SYT1: variants seen among roughly 807,000 people sequenced by gnomAD.
The protein encoded by SYT1 is synaptotagmin 1, also known as synaptotagmin-1.
In SYT1, 8 loss-of-function variants were observed where a neutral mutation model predicts 44.8. The observed-to-expected ratio is 0.18, with a 90% CI of 0.10 to 0.32. The LOEUF is 0.32. SYT1 is among the 10% of genes least tolerant of loss of function. The pLI is 1.00. For missense variants in SYT1, 286 were observed against 509.3 expected (o/e 0.56, Z 4.22); for synonymous variants, 154 against 188.8 (o/e 0.82, Z 1.51).
chr12:79,410,316 A>G (rs1336216416), intron 9 of SYT1, among the ~76,000 whole-genome samples: 1 of 152,096 alleles, frequency 6.6e-6, no homozygotes, highest in East Asian at 1.9e-4. Context: ...ATTGTGTTGG[A>G]GTTCAATACA....
At chr12:79,444,423 T>C (rs1412473210) in intron 10 of SYT1, among the ~76,000 whole-genome samples, 2 of 152,130 alleles carry the variant, frequency 1.3e-5, no homozygotes, top group Admixed American at 6.6e-5. Context: ...TGGCACTGTG[T>C]TGAGCAGAAA....
At chr12:79,087,628 G>A (rs1255298178) in intron 3 of SYT1, among the ~76,000 whole-genome samples, 4 of 152,016 alleles carry the variant, frequency 2.6e-5, no homozygotes, top group African/African-American at 7.2e-5. Context: ...CCAGTGGTGA[G>A]TAACATACAC....
At chr12:78,896,760 A>C (rs1296468131) in intron 1 of SYT1, among the ~76,000 whole-genome samples, 1 of 151,840 alleles carries the variant, frequency 6.6e-6, no homozygotes, top group East Asian at 1.9e-4. Flanking sequence ...CATTTTAAAA[A>C]TTATGTGAAA....
intron 3 of SYT1, among the ~76,000 whole-genome samples, chr12:79,187,679 G>A (rs1872882376): frequency 6.6e-6 from 1 of 152,068 alleles, no homozygotes; most frequent in Admixed American, 6.6e-5. Flanking sequence ...CCTAGAAATA[G>A]CTTTATCACT....
intron 2 of SYT1, among the ~76,000 whole-genome samples, chr12:79,043,106 A>G (rs1873721373): frequency 6.6e-6 from 1 of 150,706 alleles, no homozygotes; most frequent in African/African-American, 2.5e-5. Flanking sequence ...TATTCTGTTG[A>G]TTTGGGGTGG....
intron 8 of SYT1, among the ~76,000 whole-genome samples, chr12:79,311,542 C>G (rs1211015411): frequency 6.8e-6 from 1 of 147,172 alleles, no homozygotes. Flanking sequence ...GACTATAAAT[C>G]ATGCTGCTAT....
intron 3 of SYT1, among the ~76,000 whole-genome samples, chr12:79,108,424 A>G (rs1261545670): frequency 6.6e-6 from 1 of 152,032 alleles, no homozygotes; most frequent in Non-Finnish European, 1.5e-5. Context: ...ATTGGCACTG[A>G]AAATAAGAAA....
At chr12:79,013,885 T>C (rs1176946615) in intron 2 of SYT1, among the ~76,000 whole-genome samples, 2 of 152,110 alleles carry the variant, frequency 1.3e-5, no homozygotes, top group South Asian at 4.2e-4. Context: ...CCCAGCACTT[T>C]AGGAGGCCAA....
chr12:79,348,545 C>CA (rs879486941), intron 8 of SYT1, among the ~76,000 whole-genome samples: 4 of 152,082 alleles, frequency 2.6e-5, no homozygotes, highest in Admixed American at 2.6e-4. Context: ...AGGACAGAGG[C>CA]AAAATGTAAA....
chr12:79,053,477 T>C (rs1177904119), intron 3 of SYT1, among the ~76,000 whole-genome samples: 1 of 151,736 alleles, frequency 6.6e-6, no homozygotes, highest in East Asian at 1.9e-4. Flanking sequence ...CTGCACATTG[T>C]GCACACGCAC....
chr12:79,208,770 T>C (rs537469892), intron 3 of SYT1, among the ~76,000 whole-genome samples: 114 of 152,328 alleles, frequency 7.5e-4, no homozygotes, highest in African/African-American at 2.7e-3. Context: ...CTCTTCAATG[T>C]TTGTATTGTG....
chr12:79,169,004 T>A (rs1206532946), intron 3 of SYT1, among the ~76,000 whole-genome samples: 1 of 152,050 alleles, frequency 6.6e-6, no homozygotes, highest in Non-Finnish European at 1.5e-5. Context: ...AATGCTTTTG[T>A]GAATGAGAAA....
chr12:78,988,640 G>A (rs986917982), intron 2 of SYT1, among the ~76,000 whole-genome samples: 6 of 151,922 alleles, frequency 3.9e-5, no homozygotes, highest in African/African-American at 1.2e-4. Flanking sequence ...CAACAACAGA[G>A]GCTGGTGTAG....
intron 1 of SYT1, among the ~76,000 whole-genome samples, chr12:78,968,220 T>TA (rs1868294076): frequency 6.6e-6 from 1 of 151,990 alleles, no homozygotes; most frequent in Admixed American, 6.6e-5. Flanking sequence ...GGAACAGAAA[T>TA]AGAGAAAAAT....
intron 3 of SYT1, among the ~76,000 whole-genome samples, chr12:79,140,246 G>C (rs183786283): frequency 6.6e-6 from 1 of 152,144 alleles, no homozygotes; most frequent in African/African-American, 2.4e-5. Context: ...CATTATAGAA[G>C]CATTTACAAA....
chr12:78,933,818 A>G (rs912740071), intron 1 of SYT1, among the ~76,000 whole-genome samples: 15 of 152,282 alleles, frequency 9.9e-5, no homozygotes, highest in Middle Eastern at 3.4e-3. Flanking sequence ...ATAAAGAGTG[A>G]GAGAAAAGTG....
At chr12:78,941,284 G>C (rs2137252069) in intron 1 of SYT1, among the ~76,000 whole-genome samples, 1 of 151,536 alleles carries the variant, frequency 6.6e-6, no homozygotes, top group South Asian at 2.1e-4. Flanking sequence ...GTGTTAGCCA[G>C]GATGGTCTCG....
intron 2 of SYT1, among the ~76,000 whole-genome samples, chr12:78,978,419 G>A (rs562355465): frequency 6.6e-6 from 1 of 152,278 alleles, no homozygotes; most frequent in Admixed American, 6.5e-5. Flanking sequence ...CTTGTACCAT[G>A]CTGTGTCTCA....
intron 1 of SYT1, among the ~76,000 whole-genome samples, chr12:78,928,018 A>C (rs1275546975): frequency 6.6e-6 from 1 of 152,186 alleles, no homozygotes; most frequent in Admixed American, 6.5e-5. Flanking sequence ...CTTGAAATAA[A>C]TAATAGTAAT....
Sources: gnomAD v4.1 joint callset for allele counts (sites outside exome capture counted in the v4.1 genomes callset) on GRCh38, gnomAD v4.1.1 for gene constraint, MANE v1.5 for transcripts, NCBI Gene and HGNC (gene_info 2026-07-23, HGNC 2026-07-21) for gene names.